Variants in ARHGAP25 observed in about 807,000 individuals in gnomAD.
ARHGAP25 encodes the protein rho GTPase-activating protein 25.
ARHGAP25 carries 34 observed loss-of-function variants against 71.0 expected under a neutral mutation model. The observed-to-expected ratio is 0.48, with a 90% CI of 0.36 to 0.64. The LOEUF is 0.64. Among genes scored for constraint, ARHGAP25 ranks in the 30% least tolerant of loss-of-function variants. The probability of loss-of-function intolerance (pLI) is 0.00; values close to 1 mark genes in which losing one functional copy is unlikely to be tolerated. For synonymous variants in ARHGAP25, 282 were observed against 296.5 expected (o/e 0.95, Z 0.50); for missense variants, 706 against 805.1 (o/e 0.88, Z 1.49).
At chr2:68,784,511 T>A (rs1678606960) in intron 3 of ARHGAP25, among the ~76,000 whole-genome samples, 1 of 152,080 alleles carries the variant, frequency 6.6e-6, no homozygotes, top group Non-Finnish European at 1.5e-5. Context: ...TTTTTTTAAT[T>A]GGGGGCAGGC....
At chr2:68,800,391 G>A (rs981148630) in intron 4 of ARHGAP25, among the ~76,000 whole-genome samples, 1 of 152,140 alleles carries the variant, frequency 6.6e-6, no homozygotes, top group Non-Finnish European at 1.5e-5. Context: ...TCTAAGGAAG[G>A]GGTTGAGGGT....
intron 2 of ARHGAP25, among the ~76,000 whole-genome samples, chr2:68,723,876 C>T (rs1451460443): frequency 2.0e-5 from 3 of 151,956 alleles, no homozygotes; most frequent in African/African-American, 4.8e-5. Context: ...CTCTCTCTCT[C>T]TCTCTTTCTC....
chr2:68,809,008 G>A (rs988408817), intron 5 of ARHGAP25, among the ~76,000 whole-genome samples: 4 of 152,260 alleles, frequency 2.6e-5, no homozygotes, highest in Middle Eastern at 3.4e-3. Flanking sequence ...AAAGGTCATC[G>A]GGGGCTTTTC....
intron 4 of ARHGAP25, 90 bp downstream of exon 4, chr2:68,788,046 G>C (rs1382737224): frequency 5.0e-6 from 5 of 1,006,536 alleles, no homozygotes; most frequent in Admixed American, 1.8e-5. Flanking sequence ...CTTGAGCAGT[G>C]CTCAAGGGAG....
chr2:68,732,328 C>T (rs1344854042), upstream of ARHGAP25, among the ~76,000 whole-genome samples: 1 of 152,156 alleles, frequency 6.6e-6, no homozygotes, highest in Admixed American at 6.5e-5. Flanking sequence ...AAGTTCCCTG[C>T]GTGTTTCTTA....
In ARHGAP25 at chr2:68,775,336, C is replaced by G; in HGVS notation, c.177C>G (p.Ile59Met). 6.2e-7 allele frequency: 1 copy of G among 1,614,242 alleles called. No homozygotes were observed. Residue 59 changes from isoleucine to methionine, a missense_variant, in exon 2 of 11, where the codon ATC becomes ATG. By Grantham distance (10) the Ile-to-Met change is conservative. Coordinates refer to ENST00000409202, the MANE Select transcript of ARHGAP25 (RefSeq NM_001007231.3). ...KMGWLKKQRSIVKNWQQRYFV... is the reference protein window; with the variant it reads ...KMGWLKKQRSMVKNWQQRYFV... Reference sequence around the variant, plus strand: ...GCTGGCTGAAGAAGCAGAGGTCCATCGTGAAGAACTGGCAGCAGAGGTACT... The same window carrying G: ...GCTGGCTGAAGAAGCAGAGGTCCATGGTGAAGAACTGGCAGCAGAGGTACT...
At chr2:68,732,157 T>G (rs1199061778), upstream of ARHGAP25, among the ~76,000 whole-genome samples, 1 of 152,236 alleles carries the variant, frequency 6.6e-6, no homozygotes, top group Non-Finnish European at 1.5e-5. Context: ...CCCAGTTGAC[T>G]GACCGAGAGA....
intron 1 of ARHGAP25, among the ~76,000 whole-genome samples, chr2:68,765,211 T>C (rs1002561057): frequency 2.6e-5 from 4 of 152,100 alleles, no homozygotes; most frequent in African/African-American, 9.7e-5. Context: ...AGTGCAGGGA[T>C]ATGGAGGCGG....
At chr2:68,729,847 T>G (rs1674973365), upstream of ARHGAP25, among the ~76,000 whole-genome samples, 2 of 152,258 alleles carry the variant, frequency 1.3e-5, no homozygotes, top group South Asian at 4.1e-4. Context: ...AACCTTAGTA[T>G]AAGTATATTC....
intron 4 of ARHGAP25, among the ~76,000 whole-genome samples, chr2:68,797,743 T>C (rs571460356): frequency 9.2e-5 from 14 of 152,336 alleles, no homozygotes; most frequent in African/African-American, 3.4e-4. Context: ...GGACATTCCC[T>C]GGAGCAGTTC....
intron 4 of ARHGAP25, among the ~76,000 whole-genome samples, chr2:68,789,853 G>A (rs375991687): frequency 5.3e-5 from 8 of 152,114 alleles, no homozygotes; most frequent in East Asian, 1.9e-4. Flanking sequence ...ACCGCACCCC[G>A]AGACCACCAC....
intron 7 of ARHGAP25, chr2:68,817,020 T>A (rs1198868912): frequency 6.6e-6 from 1 of 152,254 alleles, no homozygotes; most frequent in East Asian, 1.9e-4. Flanking sequence ...TCTGGGTGTT[T>A]TCTCTCTGTG....
At chr2:68,765,601 C>G (rs1201152309) in intron 1 of ARHGAP25, among the ~76,000 whole-genome samples, 4 of 152,144 alleles carry the variant, frequency 2.6e-5, no homozygotes, top group Admixed American at 2.0e-4. Context: ...CACATTTTCC[C>G]CATGCTTAAG....
chr2:68,798,021 TA>T (rs1679693080), intron 4 of ARHGAP25, among the ~76,000 whole-genome samples: 1 of 152,248 alleles, frequency 6.6e-6, no homozygotes, highest in South Asian at 2.1e-4. Flanking sequence ...ACACTGCATT[TA>T]AAGTGCAGTT....
chr2:68,773,542 T>A (rs1677628068), intron 1 of ARHGAP25, among the ~76,000 whole-genome samples: 1 of 152,218 alleles, frequency 6.6e-6, no homozygotes, highest in Admixed American at 6.5e-5. Flanking sequence ...AAAAATTACC[T>A]GTTGGTTACA....
At position 68,746,590 on chromosome 2, in the gene ARHGAP25, C is replaced by T. The variant is rs113052065; in HGVS notation, c.61+11330C>T. Among the ~76,000 whole-genome samples, 921 of 152,152 alleles carry T rather than the reference C, an allele frequency of 6.1e-3. 14 individuals are homozygous for T. Among genetic ancestry groups the T allele is most frequent in the African/African-American group, 0.021 (879 of 41,500 alleles). On this transcript the variant is annotated intron_variant, in intron 1 of 10. Transcript: ENST00000409202. ...TTGCAGAGAGGCCCAGAACAAAGTT[C>T]GGATGTCTGGGCTGGGGTGTCCACA...
chr2:68,811,386 C>T (rs1003513307), intron 5 of ARHGAP25, among the ~76,000 whole-genome samples: 9 of 152,012 alleles, frequency 5.9e-5, no homozygotes, highest in African/African-American at 2.2e-4. Context: ...GAATTCTGCT[C>T]CTGCAAATTG....
At chr2:68,813,071 G>A (rs1173426392) in intron 5 of ARHGAP25, among the ~76,000 whole-genome samples, 1 of 152,206 alleles carries the variant, frequency 6.6e-6, no homozygotes, top group Non-Finnish European at 1.5e-5. Flanking sequence ...GTAGTTGGGT[G>A]GAAGAGACAG....
At chr2:68,788,872 G>T (rs1007538877) in intron 4 of ARHGAP25, among the ~76,000 whole-genome samples, 1 of 152,118 alleles carries the variant, frequency 6.6e-6, no homozygotes, top group South Asian at 2.1e-4. Context: ...TTGGCCTACA[G>T]CTTCCTTCAG....
Sources: gnomAD v4.1 joint callset for allele counts (sites outside exome capture counted in the v4.1 genomes callset) on GRCh38, gnomAD v4.1.1 for gene constraint, MANE v1.5 for transcripts, NCBI Gene and HGNC (gene_info 2026-07-23, HGNC 2026-07-21) for gene names.